The following SAP18 variants were observed in gnomAD, a reference collection of about 807,000 sequenced individuals.
The protein encoded by SAP18 is Sin3A associated protein 18.
SAP18 carries 4 observed loss-of-function variants against 18.6 expected under a neutral mutation model. The observed-to-expected ratio is 0.21, with a 90% confidence interval of 0.11 to 0.49. The LOEUF is 0.49. Among genes scored for constraint, SAP18 ranks in the 20% least tolerant of loss-of-function variants. SAP18 has a pLI of 0.98. For missense variants in SAP18, 170 were observed against 226.4 expected, an observed-to-expected ratio of 0.75 and a Z score of 1.60; for synonymous variants, 112 against 82.8, an observed-to-expected ratio of 1.35 and a Z score of -1.92.
rs1869455202 is a variant in SAP18, at chr13:21,141,242, C to T, written c.239+247C>T. 7 of 546,230 alleles carry T rather than the reference C, an allele frequency of 1.3e-5. No homozygotes were observed. The South Asian group carries it at 1.4e-4, about 11-fold the overall frequency. 33.8% of individuals were successfully genotyped at this position (546,230 alleles called of 1,614,324 possible). ...TTAAGAATGGACAGACCCAAGATTG[C>T]TGTCACTGTTATGGCTGCTAGGTAC... On this transcript the variant is annotated intron_variant, in intron 2 of 3. Transcript: ENST00000621421.
At chr13:21,148,263 G>A (rs1260103427) in exon 4 of SAP18, 3 of 152,144 alleles carry the variant, frequency 2.0e-5, no homozygotes, top group African/African-American at 2.4e-5. Flanking sequence ...CGGAGATAAC[G>A]GCCTATAGGA....
chr13:21,141,322 T>A, intron 2 of SAP18: 1 of 345,884 alleles, frequency 2.9e-6, no homozygotes, highest in South Asian at 2.9e-5. Flanking sequence ...GGACTCATAG[T>A]CAAATAAATT....
upstream of SAP18, chr13:21,140,451 C>A: frequency 7.4e-7 from 1 of 1,349,408 alleles, no homozygotes; most frequent in Non-Finnish European, 9.9e-7. Context: ...CGCTCCGGCT[C>A]GCTCACCACG....
chr13:21,142,332 C>T (rs1184666319), intron 2 of SAP18, among the ~76,000 whole-genome samples: 1 of 150,750 alleles, frequency 6.6e-6, no homozygotes, highest in Non-Finnish European at 1.5e-5. Flanking sequence ...GCCGTGTTAA[C>T]CATTTATTTT....
intron 2 of SAP18, chr13:21,141,231 A>G: frequency 1.8e-6 from 1 of 558,100 alleles, no homozygotes; most frequent in South Asian, 2.0e-5. Flanking sequence ...GAATGGACAG[A>G]CCCAAGATTG....
upstream of SAP18, chr13:21,140,504 T>C: frequency 6.5e-7 from 1 of 1,538,936 alleles, no homozygotes; most frequent in Non-Finnish European, 8.8e-7. Context: ...GCCCAGCCCC[T>C]GGCCGACTAT....
chr13:21,146,878 C>T (rs1330254667), exon 3 of SAP18: 3 of 1,613,134 alleles, frequency 1.9e-6, no homozygotes, highest in Non-Finnish European at 1.7e-6. Context: ...GAAGGGCACT[C>T]ACTTCAATTT....
exon 4 of SAP18, chr13:21,148,855 G>C (rs1801657365): frequency 6.6e-6 from 1 of 152,146 alleles, no homozygotes; most frequent in Admixed American, 6.5e-5. Context: ...GGGCTGCTTT[G>C]TCAAATTCCA....
upstream of SAP18, chr13:21,140,508 C>G (rs1458326935): frequency 1.9e-6 from 3 of 1,540,824 alleles, no homozygotes; most frequent in Non-Finnish European, 1.8e-6. Flanking sequence ...AGCCCCTGGC[C>G]GACTATAAAG....
intron 2 of SAP18, among the ~76,000 whole-genome samples, chr13:21,146,206 G>A (rs910186021): frequency 1.3e-5 from 2 of 152,174 alleles, no homozygotes; most frequent in African/African-American, 4.8e-5. Context: ...AATTACCTGG[G>A]CGTGGTGGTG....
At chr13:21,148,283 CTG>C (rs1869723019) in exon 4 of SAP18, 2 of 152,110 alleles carry the variant, frequency 1.3e-5, no homozygotes, top group African/African-American at 4.8e-5. Context: ...ATTGTTAAGA[CTG>C]AATATTTTAA....
chr13:21,145,320 C>T (rs1174276713), intron 2 of SAP18, among the ~76,000 whole-genome samples: 3 of 152,086 alleles, frequency 2.0e-5, no homozygotes, highest in Non-Finnish European at 4.4e-5. Context: ...CTTATTTAAA[C>T]TTGGGTCACA....
At chr13:21,143,591 T>C (rs993146303) in intron 2 of SAP18, among the ~76,000 whole-genome samples, 1 of 152,204 alleles carries the variant, frequency 6.6e-6, no homozygotes, top group Non-Finnish European at 1.5e-5. Context: ...CCAGGTGCTG[T>C]GTGTGCTTAG....
chr13:21,147,092 AATG>A (rs1809443999), intron 3 of SAP18, 91 bp from the exon 4 acceptor site: 3 of 1,463,696 alleles, frequency 2.0e-6, no homozygotes, highest in African/African-American at 2.8e-5. Flanking sequence ...TGTGTTATAA[AATG>A]ATGGAGAAAA....
At chr13:21,143,014 C>T (rs1313086844) in intron 2 of SAP18, among the ~76,000 whole-genome samples, 1 of 152,136 alleles carries the variant, frequency 6.6e-6, no homozygotes, top group African/African-American at 2.4e-5. Context: ...GTCATTTTGG[C>T]TTATTTCATG....
chr13:21,146,052 AAC>A (rs1869639134), intron 2 of SAP18, among the ~76,000 whole-genome samples: 1 of 152,212 alleles, frequency 6.6e-6, no homozygotes, highest in African/African-American at 2.4e-5. Flanking sequence ...AGAAAGAAGA[AAC>A]ACATCTGGCT....
At chr13:21,149,027 TAACTG>T (rs1869754771) in exon 4 of SAP18, 1 of 152,138 alleles carries the variant, frequency 6.6e-6, no homozygotes, top group South Asian at 2.1e-4. Flanking sequence ...CTTTGAGTAA[TAACTG>T]AGCTGTTTCC....
intron 2 of SAP18, among the ~76,000 whole-genome samples, chr13:21,144,248 T>TA (rs1269583621): frequency 1.3e-5 from 2 of 151,620 alleles, no homozygotes; most frequent in Non-Finnish European, 2.9e-5. Context: ...CTGCTAAAAA[T>TA]ACAAAAATTA....
exon 4 of SAP18, chr13:21,148,394 ACT>A (rs1226344928): frequency 6.6e-6 from 1 of 151,948 alleles, no homozygotes; most frequent in Non-Finnish European, 1.5e-5. Flanking sequence ...CCATGGCACT[ACT>A]CTCATTTTGA....
Sources: gnomAD v4.1 joint callset for allele counts (sites outside exome capture counted in the v4.1 genomes callset) on GRCh38, gnomAD v4.1.1 for gene constraint, MANE v1.5 for transcripts, NCBI Gene and HGNC (gene_info 2026-07-23, HGNC 2026-07-21) for gene names.